The following JAK1 variants were observed in gnomAD, a reference collection of about 807,000 sequenced individuals.
The protein encoded by JAK1 is tyrosine-protein kinase JAK1.
In JAK1, 16 loss-of-function variants were observed where a neutral mutation model predicts 136.6. The observed-to-expected ratio is 0.12, with a 90% confidence interval of 0.08 to 0.18. The LOEUF is 0.18. JAK1 is among the 10% of genes least tolerant of loss of function. The probability of loss-of-function intolerance (pLI) is 1.00; values close to 1 mark genes in which losing one functional copy is unlikely to be tolerated. For synonymous variants in JAK1, 492 were observed against 519.5 expected (o/e 0.95, Z 0.72); for missense variants, 859 against 1,450.1 (o/e 0.59, Z 6.62).
chr1:65,031,415 C>T (rs1232024977), intron 2 of JAK1, among the ~76,000 whole-genome samples: 2 of 151,956 alleles, frequency 1.3e-5, no homozygotes, highest in African/African-American at 2.4e-5. Flanking sequence ...AATAACTGCC[C>T]TGTACTTTTT....
chr1:64,859,301 A>C (rs1656146223), intron 9 of JAK1, among the ~76,000 whole-genome samples: 2 of 152,242 alleles, frequency 1.3e-5, no homozygotes, highest in African/African-American at 4.8e-5. Flanking sequence ...AAGTCAAAAG[A>C]ATCCCTGTTG....
intron 1 of JAK1, among the ~76,000 whole-genome samples, chr1:64,923,008 A>G (rs767032349): frequency 7.2e-5 from 11 of 152,230 alleles, no homozygotes; most frequent in Non-Finnish European, 1.6e-4. Context: ...ATTAGCTACT[A>G]TAAAGTAAAT....
intron 2 of JAK1, chr1:64,992,797 G>A (rs1388410178): frequency 6.6e-6 from 1 of 150,476 alleles, no homozygotes; most frequent in African/African-American, 2.5e-5. Context: ...GCTGAGGCAG[G>A]AGAATGGCAG....
chr1:64,907,816 C>T (rs1175048766), intron 1 of JAK1, among the ~76,000 whole-genome samples: 1 of 152,152 alleles, frequency 6.6e-6, no homozygotes, highest in Admixed American at 6.5e-5. Context: ...ACACATACTA[C>T]TGAAACGCAC....
chr1:64,870,421 G>A (rs1160184469), intron 5 of JAK1, among the ~76,000 whole-genome samples: 2 of 152,118 alleles, frequency 1.3e-5, no homozygotes, highest in Non-Finnish European at 2.9e-5. Context: ...ACTCTAAGGA[G>A]AAAGAAAAGA....
chr1:64,847,272 C>T (rs1655295110), intron 13 of JAK1, among the ~76,000 whole-genome samples: 1 of 151,608 alleles, frequency 6.6e-6, no homozygotes, highest in Admixed American at 6.6e-5. Context: ...GCACAGCCAC[C>T]TGGACCTGTC....
intron 1 of JAK1, among the ~76,000 whole-genome samples, chr1:64,903,184 G>A (rs774098506): frequency 8.5e-5 from 13 of 152,074 alleles, no homozygotes; most frequent in Non-Finnish European, 1.8e-4. Flanking sequence ...GCACCACCAC[G>A]CCTGGTTAAT....
chr1:65,025,287 C>G (rs1294263067), intron 2 of JAK1, among the ~76,000 whole-genome samples: 1 of 152,114 alleles, frequency 6.6e-6, no homozygotes, highest in Non-Finnish European at 1.5e-5. Flanking sequence ...TTAGAGCCCA[C>G]CCGAAACATG....
chr1:64,931,124 G>A (rs1426364575), intron 1 of JAK1, among the ~76,000 whole-genome samples: 1 of 152,096 alleles, frequency 6.6e-6, no homozygotes, highest in African/African-American at 2.4e-5. Flanking sequence ...TTCTGCACAT[G>A]TATCCCAGAA....
chr1:64,948,246 C>T (rs371451093), intron 1 of JAK1, among the ~76,000 whole-genome samples: 20 of 152,184 alleles, frequency 1.3e-4, no homozygotes, highest in African/African-American at 4.8e-4. Context: ...TACTGACTCT[C>T]GTATGAACCA....
At chr1:64,960,430 C>T (rs1389326950) in intron 1 of JAK1, among the ~76,000 whole-genome samples, 1 of 122,334 alleles carries the variant, frequency 8.2e-6, no homozygotes, top group Admixed American at 8.1e-5. Flanking sequence ...AGATCCAGAG[C>T]CTCCAAAAAC....
At chr1:64,912,560 A>G (rs1645302240) in intron 1 of JAK1, among the ~76,000 whole-genome samples, 1 of 152,190 alleles carries the variant, frequency 6.6e-6, no homozygotes, top group Non-Finnish European at 1.5e-5. Flanking sequence ...ATAAAAGCTG[A>G]TATTTGCTAA....
intron 12 of JAK1, 73 bp from the exon 13 acceptor site, chr1:64,847,748 C>T: frequency 6.5e-7 from 1 of 1,528,622 alleles, no homozygotes; most frequent in Non-Finnish European, 8.9e-7. Context: ...AATGGGTCCT[C>T]AATGGGAACA....
chr1:64,928,417 T>C (rs991853141), intron 1 of JAK1, among the ~76,000 whole-genome samples: 1 of 152,168 alleles, frequency 6.6e-6, no homozygotes, highest in Non-Finnish European at 1.5e-5. Context: ...GCATTTCCCT[T>C]TCTCCCTGAA....
At chr1:64,888,912 T>C (rs1330656156) in intron 1 of JAK1, among the ~76,000 whole-genome samples, 2 of 152,196 alleles carry the variant, frequency 1.3e-5, no homozygotes, top group Non-Finnish European at 2.9e-5. Context: ...ATGATAAAAA[T>C]AGAAAACACC....
At chr1:65,051,727 T>C (rs555527436) in intron 1 of JAK1, among the ~76,000 whole-genome samples, 2 of 152,358 alleles carry the variant, frequency 1.3e-5, no homozygotes, top group Admixed American at 6.5e-5. Context: ...ACAGACTAAA[T>C]CGAAATGGTT....
chr1:64,903,012 T>C (rs1003912914), intron 1 of JAK1, among the ~76,000 whole-genome samples: 1 of 152,108 alleles, frequency 6.6e-6, no homozygotes, highest in Non-Finnish European at 1.5e-5. Flanking sequence ...GCCTAGAATA[T>C]GGATGCTGCC....
Position 64,857,506 on chromosome 1 carries a change from C to T in JAK1, c.1458+150G>A, listed in dbSNP as rs1276559273. 1.1e-4 allele frequency: 115 copies of T among 1,065,044 alleles called. 2 individuals carry two copies. The South Asian group carries it at 1.7e-3, about 16-fold the overall frequency. 66.0% of individuals were successfully genotyped at this position (1,065,044 alleles called of 1,614,324 possible). ...CAGTCTCCTTTTGAGAGCAGGGGCC[C>T]TTGCCTGACCTCCCAGGGATCTTCT... On this transcript the variant is annotated intron_variant, in intron 10 of 24. Coordinates refer to ENST00000342505, the MANE Select transcript of JAK1 (RefSeq NM_002227.4).
At position 64,913,647 on chromosome 1, in the gene JAK1, G is replaced by GGAAA. The variant is rs1645327172; in HGVS notation, c.-77-27307_-77-27306insTTTC. Reference sequence around the variant, plus strand: ...AGGGAGGGAGGGAGGAAGGGAGGAAGGAAGGAAAGAAGGAAGGAAGGAAGG... The same window carrying GGAAA: ...AGGGAGGGAGGGAGGAAGGGAGGAAGGAAAGAAGGAAAGAAGGAAGGAAGGAAGG... On this transcript the variant is annotated intron_variant, in intron 1 of 24. Coordinates refer to ENST00000342505, the MANE Select transcript of JAK1 (RefSeq NM_002227.4). Among the ~76,000 whole-genome samples the GGAAA allele has an allele frequency of 6.5e-5, 6 of 92,606 alleles. No homozygotes were observed. The South Asian group carries it at 2.5e-3, about 39-fold the overall frequency. 60.8% of individuals were successfully genotyped at this position (92,606 alleles called of 152,430 possible). A position where few individuals can be genotyped will look rare whatever the true frequency, so the allele number is the denominator to read the frequency against.
Sources: allele counts gnomAD v4.1 joint callset (sites outside exome capture counted in the v4.1 genomes callset), GRCh38; gene constraint gnomAD v4.1.1; transcripts MANE v1.5; gene names NCBI Gene and HGNC (gene_info 2026-07-23, HGNC 2026-07-21).